The following SRRM1 variants were observed in gnomAD, a reference collection of about 807,000 sequenced individuals.
The protein encoded by SRRM1 is serine and arginine repetitive matrix 1.
SRRM1 carries 19 observed loss-of-function variants against 110.2 expected under a neutral mutation model. The ratio of observed to expected loss-of-function variants is 0.17; its 90% CI spans 0.12 to 0.25. The LOEUF (loss-of-function observed/expected upper bound fraction) is 0.25, where lower values mean the gene tolerates loss of function less well. Ranked by LOEUF, SRRM1 falls within the 10% of genes least tolerant of loss-of-function variation. SRRM1 has a pLI of 1.00. For missense variants in SRRM1, 918 were observed against 1,145.8 expected (o/e 0.80, Z 2.87); for synonymous variants, 443 against 414.9 (o/e 1.07, Z -0.82).
In SRRM1 at chr1:24,673,022, C is replaced by G. The variant is rs908855785; in HGVS notation, c.*736C>G. 1.3e-5 allele frequency: 2 copies of G among 151,884 alleles called. No homozygotes were observed. The highest frequency in any genetic ancestry group is 4.8e-5 in the African/African-American group (2 of 41,318). 9.4% of individuals were successfully genotyped at this position (151,884 alleles called of 1,614,324 possible). ...GCAATGAGCTAGTCCCAGAAAGGAT[C>G]CTTCAGTTACATACAATTTGTTTAA... On this transcript the variant is annotated 3_prime_UTR_variant, in exon 17 of 17. Transcript: ENST00000323848.
chr1:24,649,211 A>G (rs940322162), intron 4 of SRRM1, among the ~76,000 whole-genome samples, 182 bp downstream of exon 4: 2 of 152,172 alleles, frequency 1.3e-5, no homozygotes, highest in Non-Finnish European at 2.9e-5. Flanking sequence ...TTAGAATGTC[A>G]TTTTCCCAGT....
At position 24,671,578 on chromosome 1, in the gene SRRM1, G is replaced by C. The variant is rs1318079316; in HGVS notation, c.2593G>C (p.Ala865Pro). The stretch of plus-strand genomic sequence containing the variant: ...ATTAGCACAGGAAGAGCCAGTGGCA[G>C]CGCCAGAGCCGAAGAAGGTATTTAT... ...TTLAQEEPVA[A>P]PEPKKETESE... is the part of the protein sequence containing the mutation. The change falls in exon 16 of 17, where the codon GCG (alanine) becomes CCG (proline). Residue 865 changes from alanine to proline, a missense_variant. This residue lies in a region of SRRM1 where 62 missense variants were observed against 127.6 expected (regional missense o/e 0.49). Transcript: ENST00000323848. 1 of 1,593,050 alleles carries C rather than the reference G, an allele frequency of 6.3e-7. No individual in the cohort carries two copies.
At chr1:24,660,370 C>T (rs1468631524) in intron 9 of SRRM1, among the ~76,000 whole-genome samples, 4 of 152,204 alleles carry the variant, frequency 2.6e-5, no homozygotes, top group Non-Finnish European at 5.9e-5. Context: ...TTTCATTAAA[C>T]ATTTAAAAAT....
At chr1:24,663,092 A>G in intron 12 of SRRM1, 1 of 1,222,232 alleles carries the variant, frequency 8.2e-7, no homozygotes, top group Non-Finnish European at 1.1e-6. Context: ...TTGAATATTT[A>G]AAAATGTCTC....
chr1:24,660,699 C>T lies in SRRM1; in HGVS notation c.1316-20C>T. On this transcript the variant is annotated intron_variant, in intron 9 of 16. Coordinates refer to ENST00000323848, the MANE Select transcript of SRRM1 (RefSeq NM_005839.4). ...CCTTTTTTTGTACGTAAGCTTTTTT[C>T]CACTCTTATTCTTTTTTAGTGACAA... The T allele has an allele frequency of 7.0e-7, 1 of 1,424,386 alleles. No individual in the cohort carries two copies. Among genetic ancestry groups the T allele is most frequent in the Non-Finnish European group, 9.5e-7 (1 of 1,050,318 alleles). The allele number at this position is 1,424,386 out of a possible 1,614,324, so 88.2% of individuals were successfully genotyped here.
At chr1:24,656,939 T>G (rs931488322) in intron 9 of SRRM1, among the ~76,000 whole-genome samples, 1 of 152,070 alleles carries the variant, frequency 6.6e-6, no homozygotes, top group African/African-American at 2.4e-5. Context: ...ATGGTGAAAA[T>G]AAGTATTTCT....
intron 12 of SRRM1, among the ~76,000 whole-genome samples, chr1:24,664,248 G>C (rs1331350594): frequency 6.6e-6 from 1 of 152,012 alleles, no homozygotes; most frequent in African/African-American, 2.4e-5. Flanking sequence ...CACCCGCCTC[G>C]GCCTCCCAAA....
At chr1:24,648,211 G>A (rs1658579277) in intron 3 of SRRM1, 1 of 152,192 alleles carries the variant, frequency 6.6e-6, no homozygotes, top group Admixed American at 6.6e-5. Context: ...TACAGACCTT[G>A]TTGCTTGACC....
chr1:24,663,111 G>T, intron 12 of SRRM1: 1 of 1,335,928 alleles, frequency 7.5e-7, no homozygotes, highest in Non-Finnish European at 1.0e-6. Context: ...TCCATTAATG[G>T]TACTTAATCC....
chr1:24,646,361 A>C (rs947119267), intron 2 of SRRM1, among the ~76,000 whole-genome samples: 2 of 152,058 alleles, frequency 1.3e-5, no homozygotes, highest in Admixed American at 6.5e-5. Flanking sequence ...CCCTGTCTCT[A>C]CTAAAAATAC....
chr1:24,653,754 A>G lies in SRRM1; in HGVS notation c.1040+722A>G, dbSNP rs1009962692. ...AGTAGAGTCCTAGTGCACTGGTAGC[A>G]GTTTTTGTGCCTTCTTGCAATACGT... On this transcript the variant is annotated intron_variant, in intron 8 of 16. Transcript: ENST00000323848. 7.2e-5 allele frequency among the ~76,000 whole-genome samples: 11 copies of G among 152,330 alleles called. No homozygotes were observed. The East Asian group carries it at 2.1e-3, about 29-fold the overall frequency.
intron 9 of SRRM1, 45 bp downstream of exon 9, chr1:24,655,174 T>C: frequency 6.3e-7 from 1 of 1,597,610 alleles, no homozygotes; most frequent in Non-Finnish European, 8.6e-7. Flanking sequence ...TTTCTTTGGC[T>C]ACAAAGCGTA....
intron 9 of SRRM1, among the ~76,000 whole-genome samples, chr1:24,657,800 A>G (rs1468399880): frequency 2.0e-5 from 3 of 152,236 alleles, no homozygotes; most frequent in East Asian, 1.9e-4. Flanking sequence ...GTATGTTAAC[A>G]TGATCAATAC....
intron 13 of SRRM1, among the ~76,000 whole-genome samples, chr1:24,668,435 A>T (rs1671131387): frequency 6.6e-6 from 1 of 152,224 alleles, no homozygotes; most frequent in Non-Finnish European, 1.5e-5. Flanking sequence ...AGATACAGTG[A>T]TGAAATTGTG....
At position 24,652,567 on chromosome 1, in the gene SRRM1, C is replaced by T. The variant is rs1178978996; in HGVS notation, c.859C>T (p.Arg287Trp). The T allele has an allele frequency of 6.2e-6, 10 of 1,613,542 alleles. No homozygotes were observed. The highest frequency in any genetic ancestry group is 4.5e-5 in the East Asian group (2 of 44,852). Residue 287 changes from arginine (R) to tryptophan (W), a missense_variant, in exon 7 of 17, where the codon CGG (arginine) becomes TGG (tryptophan). Physicochemically the swap from Arg to Trp is moderately radical, Grantham distance 101. This residue lies in a region of SRRM1 where 456 missense variants were observed against 453.5 expected (regional missense o/e 1.01). Coordinates refer to ENST00000323848, the MANE Select transcript of SRRM1 (RefSeq NM_005839.4). ...TCGGTCACGCTCCAAATCAAGATCC[C>T]GGACGCGGTCCCGCTCTCCTTCTCA... is the stretch of plus-strand genomic sequence containing the variant. ...RSRSRSKSRS[R>W]TRSRSPSHTR...
intron 15 of SRRM1, 89 bp downstream of exon 15, chr1:24,670,404 A>G (rs879367504): frequency 1.4e-5 from 19 of 1,336,928 alleles, no homozygotes; most frequent in Non-Finnish European, 1.8e-5. Flanking sequence ...GCATTAAAAT[A>G]TTGGTGTTTA....
chr1:24,649,307 G>A (rs1659211575), intron 4 of SRRM1, among the ~76,000 whole-genome samples: 1 of 152,142 alleles, frequency 6.6e-6, no homozygotes, highest in South Asian at 2.1e-4. Context: ...TGAAAGGTAA[G>A]CATAAGGATT....
chr1:24,655,419 T>A (rs1663510135), intron 9 of SRRM1, among the ~76,000 whole-genome samples: 1 of 152,182 alleles, frequency 6.6e-6, no homozygotes, highest in Non-Finnish European at 1.5e-5. Flanking sequence ...AAAGTTTGCG[T>A]TGGCATGATA....
intron 7 of SRRM1, 85 bp from the exon 8 acceptor site, chr1:24,652,828 T>C: frequency 6.7e-7 from 1 of 1,486,394 alleles, no homozygotes; most frequent in Non-Finnish European, 9.0e-7. Context: ...GAAATTTATT[T>C]TTTAGATGTG....
Sources: allele counts gnomAD v4.1 joint callset (sites outside exome capture counted in the v4.1 genomes callset), GRCh38; gene constraint gnomAD v4.1.1; regional missense constraint gnomAD v4.1.1; transcripts MANE v1.5; gene names NCBI Gene and HGNC (gene_info 2026-07-23, HGNC 2026-07-21).